Variants in KIAA1217 observed in about 807,000 individuals in gnomAD.
The protein encoded by KIAA1217 is sickle tail protein homolog.
Under a neutral mutation model 163.9 loss-of-function variants are expected in KIAA1217, and 88 were observed. The observed-to-expected ratio is 0.54, with a 90% CI of 0.45 to 0.64. The LOEUF is 0.64. KIAA1217 is among the 30% of genes least tolerant of loss of function. The probability of loss-of-function intolerance (pLI) is 0.00; values close to 1 mark genes in which losing one functional copy is unlikely to be tolerated. For synonymous variants in KIAA1217, 903 were observed against 923.1 expected (o/e 0.98, Z 0.39); for missense variants, 2,372 against 2,475.0 (o/e 0.96, Z 0.88).
chr10:24,187,492 A>G (rs2066493745), intron 2 of KIAA1217, among the ~76,000 whole-genome samples: 1 of 152,256 alleles, frequency 6.6e-6, no homozygotes, highest in Non-Finnish European at 1.5e-5. Context: ...CATCATAACT[A>G]TCAGCAGAGA....
intron 1 of KIAA1217, among the ~76,000 whole-genome samples, chr10:23,886,041 G>A (rs572416078): frequency 2.6e-5 from 4 of 151,972 alleles, no homozygotes; most frequent in South Asian, 2.1e-4. Flanking sequence ...GTACTTACGC[G>A]TATTTCCTGT....
chr10:23,982,043 TGTA>T (rs1223533177), intron 1 of KIAA1217, among the ~76,000 whole-genome samples: 2 of 151,724 alleles, frequency 1.3e-5, no homozygotes, highest in Non-Finnish European at 2.9e-5. Flanking sequence ...AACTGGCTGC[TGTA>T]GTAGTGGTGA....
intron 3 of KIAA1217, among the ~76,000 whole-genome samples, chr10:24,389,695 G>T (rs2054576621): frequency 6.6e-6 from 1 of 152,194 alleles, no homozygotes; most frequent in African/African-American, 2.4e-5. Flanking sequence ...ACCCATACCA[G>T]TCTCTTCCTA....
Position 24,543,380 on chromosome 10 carries a change from A to C in KIAA1217, c.4110A>C (p.Ser1370=), listed in dbSNP as rs950076381. ...CTAATGAGGATGGAGAATCAAGTTC[A>C]AGTTCTCCCACTGAAGAAAATGCAG... ...VNPNEDGESS[S]SSPTEENAAT... is the part of the protein sequence containing the mutation. Residue 1370 remains serine (S), a synonymous_variant, in exon 19 of 21, where the codon TCA becomes TCC. Transcript: ENST00000376454. 1 of 1,614,168 alleles carries C rather than the reference A, an allele frequency of 6.2e-7. No homozygotes were observed. Among genetic ancestry groups the C allele is most frequent in the Non-Finnish European group, 8.5e-7 (1 of 1,180,020 alleles).
rs927104650 is a variant in KIAA1217, at chr10:24,079,865, A to T, written c.-171+72491A>T. On this transcript the variant is annotated intron_variant, in intron 2 of 18. Transcript: ENST00000376462. ...GTTTCTTCTGAAAATTTAGAACTGG[A>T]TCTGAGAGGCACTGGGAGTTGTTGT... 9.4e-4 allele frequency among the ~76,000 whole-genome samples: 143 copies of T among 152,322 alleles called. 2 individuals carry two copies. Among genetic ancestry groups the T allele is most frequent in the African/African-American group, 3.3e-3 (138 of 41,576 alleles).
At chr10:24,107,950 C>T (rs2062695624) in intron 2 of KIAA1217, among the ~76,000 whole-genome samples, 1 of 152,134 alleles carries the variant, frequency 6.6e-6, no homozygotes, top group South Asian at 2.1e-4. Context: ...GGTTTGATCA[C>T]ATTACTCTGT....
intron 1 of KIAA1217, among the ~76,000 whole-genome samples, chr10:23,814,372 T>C (rs755163941): frequency 2.0e-5 from 3 of 152,158 alleles, no homozygotes; most frequent in Non-Finnish European, 4.4e-5. Context: ...GGAATCCAGG[T>C]GTTCCTATTT....
chr10:23,801,610 A>G (rs1836470546), intron 1 of KIAA1217, among the ~76,000 whole-genome samples: 1 of 152,188 alleles, frequency 6.6e-6, no homozygotes, highest in African/African-American at 2.4e-5. Flanking sequence ...CTCCTTTAAG[A>G]AGAAGAATAA....
intron 1 of KIAA1217, among the ~76,000 whole-genome samples, chr10:23,813,312 A>G (rs1837161564): frequency 6.6e-6 from 1 of 152,038 alleles, no homozygotes; most frequent in South Asian, 2.1e-4. Flanking sequence ...TATGTATTAT[A>G]TATAAAATTC....
chr10:23,776,646 A>G (rs548226841), intron 1 of KIAA1217, among the ~76,000 whole-genome samples: 18 of 149,934 alleles, frequency 1.2e-4, no homozygotes, highest in Non-Finnish European at 2.4e-4. Context: ...TGGAATTACT[A>G]CTATGTGTAC....
intron 1 of KIAA1217, among the ~76,000 whole-genome samples, chr10:23,865,150 A>G (rs1840126146): frequency 6.6e-6 from 1 of 152,178 alleles, no homozygotes; most frequent in Non-Finnish European, 1.5e-5. Flanking sequence ...CAACAAGGTA[A>G]CATTGACATC....
In KIAA1217 at chr10:23,827,680, C is replaced by G. The variant is rs545766009; in HGVS notation, c.-321+132446C>G. ...CTGGGGAGCTTGTTAACAGAGCAGG[C>G]TCTTGAATTCCTCCTCAGCCTATTG... is the stretch of plus-strand genomic sequence containing the variant. On this transcript the variant is annotated intron_variant, in intron 1 of 18. Coordinates refer to the KIAA1217 transcript ENST00000376462. 4.6e-5 allele frequency among the ~76,000 whole-genome samples: 7 copies of G among 152,316 alleles called. No individual in the cohort carries two copies. In the South Asian group the frequency reaches 1.4e-3, roughly 32 times the overall value.
intron 1 of KIAA1217, among the ~76,000 whole-genome samples, chr10:23,705,715 T>C (rs1428028562): frequency 6.6e-6 from 1 of 152,188 alleles, no homozygotes; most frequent in Admixed American, 6.5e-5. Flanking sequence ...TTGTTTTGGC[T>C]ATCTCAGTAC....
At chr10:24,467,789 T>G (rs894832374) in intron 5 of KIAA1217, among the ~76,000 whole-genome samples, 6 of 146,958 alleles carry the variant, frequency 4.1e-5, no homozygotes, top group Non-Finnish European at 7.4e-5. Context: ...GCAACTCGTA[T>G]GTGTGTATGT....
At chr10:24,364,570 G>A (rs1019223671) in intron 2 of KIAA1217, among the ~76,000 whole-genome samples, 2 of 152,098 alleles carry the variant, frequency 1.3e-5, no homozygotes, top group African/African-American at 4.8e-5. Flanking sequence ...CATCTTCTGA[G>A]AAGGGCTTCC....
chr10:24,370,905 C>T (rs891010042), intron 2 of KIAA1217, among the ~76,000 whole-genome samples: 1 of 152,024 alleles, frequency 6.6e-6, no homozygotes, highest in African/African-American at 2.4e-5. Context: ...ATCGGCAAAA[C>T]GAAAAGAAGA....
chr10:24,500,220 T>TGTGTGTG (rs1554907953), intron 8 of KIAA1217, among the ~76,000 whole-genome samples: 1 of 150,310 alleles, frequency 6.7e-6, no homozygotes, highest in African/African-American at 2.5e-5. Context: ...TGTGTGTGTC[T>TGTGTGTG]TTATTAGTAA....
At chr10:24,030,998 A>C (rs1848165086) in intron 2 of KIAA1217, among the ~76,000 whole-genome samples, 1 of 152,148 alleles carries the variant, frequency 6.6e-6, no homozygotes, top group Middle Eastern at 3.2e-3. Flanking sequence ...GGCTGTACAA[A>C]TATCTGTTCG....
chr10:24,008,200 A>T (rs1015028507), intron 2 of KIAA1217, among the ~76,000 whole-genome samples: 2 of 143,624 alleles, frequency 1.4e-5, no homozygotes, highest in Non-Finnish European at 3.0e-5. Context: ...ATAGATAGAT[A>T]GATAGATTAT....
Sources: allele counts gnomAD v4.1 joint callset (sites outside exome capture counted in the v4.1 genomes callset), GRCh38; gene constraint gnomAD v4.1.1; transcripts MANE v1.5; gene names NCBI Gene and HGNC (gene_info 2026-07-23, HGNC 2026-07-21).